The following ADGRL3 variants were observed in gnomAD, a reference collection of about 807,000 sequenced individuals.
ADGRL3 encodes calcium-independent alpha-latrotoxin receptor 3.
In ADGRL3, 62 loss-of-function variants were observed where a neutral mutation model predicts 153.5. The observed-to-expected ratio is 0.40, with a 90% CI of 0.33 to 0.50. The LOEUF is 0.50. Ranked by LOEUF, ADGRL3 falls within the 20% of genes least tolerant of loss-of-function variation. The pLI is 0.47. For synonymous variants in ADGRL3, 710 were observed against 672.5 expected (o/e 1.06, Z -0.86); for missense variants, 1,641 against 1,859.4 (o/e 0.88, Z 2.16).
At chr4:61,478,852 CA>C (rs2098098230) in intron 2 of ADGRL3, among the ~76,000 whole-genome samples, 1 of 151,736 alleles carries the variant, frequency 6.6e-6, no homozygotes, top group Non-Finnish European at 1.5e-5. Context: ...AATGTGAACT[CA>C]AAAGAAAAAC....
At chr4:61,593,992 T>G (rs928216238) in intron 5 of ADGRL3, among the ~76,000 whole-genome samples, 6 of 152,150 alleles carry the variant, frequency 3.9e-5, no homozygotes, top group African/African-American at 1.4e-4. Context: ...GTTTTTATTC[T>G]TTTTTCTTTT....
chr4:61,786,227 T>C (rs1039989728), intron 8 of ADGRL3, among the ~76,000 whole-genome samples: 4 of 152,214 alleles, frequency 2.6e-5, no homozygotes, highest in Non-Finnish European at 5.9e-5. Flanking sequence ...TTCTTCTTAC[T>C]AGAAATGTAT....
intron 11 of ADGRL3, among the ~76,000 whole-genome samples, chr4:61,898,210 G>A (rs2098642800): frequency 1.3e-5 from 2 of 152,240 alleles, no homozygotes; most frequent in East Asian, 1.9e-4. Flanking sequence ...AGGGTAGAGA[G>A]TAGCCCTGAA....
At chr4:61,402,036 T>A (rs756652622) in intron 2 of ADGRL3, among the ~76,000 whole-genome samples, 6 of 152,126 alleles carry the variant, frequency 3.9e-5, no homozygotes, top group Non-Finnish European at 7.4e-5. Context: ...TGAACATAGC[T>A]GTATTCCAAT....
At chr4:61,671,472 G>T (rs1460786024) in intron 5 of ADGRL3, among the ~76,000 whole-genome samples, 1 of 152,096 alleles carries the variant, frequency 6.6e-6, no homozygotes, top group East Asian at 1.9e-4. Flanking sequence ...TATTAAACCT[G>T]ATCAATAGGT....
At chr4:61,387,514 A>T (rs1344913503) in intron 2 of ADGRL3, among the ~76,000 whole-genome samples, 1 of 151,890 alleles carries the variant, frequency 6.6e-6, no homozygotes, top group Non-Finnish European at 1.5e-5. Flanking sequence ...CCCCAGGGGG[A>T]CCAGTTTAGA....
intron 9 of ADGRL3, among the ~76,000 whole-genome samples, chr4:61,833,815 A>T (rs1195340111): frequency 6.6e-6 from 1 of 152,156 alleles, no homozygotes; most frequent in Admixed American, 6.5e-5. Flanking sequence ...TCTTTGTTTT[A>T]GACTATAAAC....
At chr4:61,481,464 A>C (rs1057080690) in intron 2 of ADGRL3, among the ~76,000 whole-genome samples, 3 of 152,134 alleles carry the variant, frequency 2.0e-5, no homozygotes, top group African/African-American at 7.2e-5. Flanking sequence ...AAACCACTGC[A>C]GTTTGTTGAG....
At position 61,829,772 on chromosome 4, in the gene ADGRL3, T is replaced by C. The variant is rs1389392582; in HGVS notation, c.1480+15883T>C. On this transcript the variant is annotated intron_variant, in intron 9 of 26. Transcript: ENST00000683033. ...GTTAACTGTGGCACTATCAAAGCAA[T>C]AGGTACAAAAGACACAGTGAAAAGA... Among the ~76,000 whole-genome samples, 8 of 152,146 alleles carry C rather than the reference T, an allele frequency of 5.3e-5. No homozygotes were observed. The East Asian group carries it at 1.5e-3, about 29-fold the overall frequency.
At chr4:61,856,944 C>CT (rs2149230738) in intron 9 of ADGRL3, among the ~76,000 whole-genome samples, 1 of 109,260 alleles carries the variant, frequency 9.2e-6, no homozygotes, top group East Asian at 3.3e-4. Context: ...CTCCCTCTTT[C>CT]TTCTTCTCTT....
chr4:61,629,305 T>C (rs2093013369), intron 5 of ADGRL3, among the ~76,000 whole-genome samples: 1 of 152,148 alleles, frequency 6.6e-6, no homozygotes, highest in Admixed American at 6.5e-5. Context: ...CCCCTATTAT[T>C]ACTTACTTTG....
rs938236397 is a variant in ADGRL3, at chr4:61,540,951, G to GA, written c.259+23443dup. On this transcript the variant is annotated intron_variant, in intron 4 of 26. Transcript: ENST00000683033. Reference sequence around the variant, plus strand: ...TTGATATAGAACATATTCCCCAAAAGAAAAAAAAAATAGCTGTATATGTTT... The same window carrying GA: ...TTGATATAGAACATATTCCCCAAAAGAAAAAAAAAAATAGCTGTATATGTTT... 4.8e-3 allele frequency among the ~76,000 whole-genome samples: 709 copies of GA among 148,064 alleles called. 2 individuals carry two copies. The highest frequency in any genetic ancestry group is 0.01 in the African/African-American group (408 of 40,456).
At chr4:61,565,012 G>A (rs912251969) in intron 4 of ADGRL3, among the ~76,000 whole-genome samples, 1 of 152,116 alleles carries the variant, frequency 6.6e-6, no homozygotes, top group African/African-American at 2.4e-5. Context: ...CCATACAGAT[G>A]TGATAATAAT....
At chr4:61,514,905 T>A (rs1204110955) in intron 3 of ADGRL3, among the ~76,000 whole-genome samples, 1 of 152,206 alleles carries the variant, frequency 6.6e-6, no homozygotes, top group Non-Finnish European at 1.5e-5. Context: ...TTATACTGTT[T>A]AGCTGATGCT....
At position 61,232,312 on chromosome 4, in the gene ADGRL3, A is replaced by AT. The variant is rs71664985; in HGVS notation, c.-240+30560dup. 8.3e-3 allele frequency among the ~76,000 whole-genome samples: 1,229 copies of AT among 147,220 alleles called. 11 individuals carry two copies. Among genetic ancestry groups the AT allele is most frequent in the African/African-American group, 0.026 (1,050 of 39,986 alleles). On this transcript the variant is annotated intron_variant, in intron 1 of 26. Coordinates refer to ENST00000683033, the MANE Select transcript of ADGRL3 (RefSeq NM_001387552.1). Reference sequence around the variant, plus strand: ...TACCAGTGACCAACAATGTCACTTCATTTTTTTTTTTTTGAGACAAAGTTT... The same window carrying AT: ...TACCAGTGACCAACAATGTCACTTCATTTTTTTTTTTTTTGAGACAAAGTTT...
At chr4:61,335,420 T>G (rs1234835915) in intron 1 of ADGRL3, among the ~76,000 whole-genome samples, 1 of 152,176 alleles carries the variant, frequency 6.6e-6, no homozygotes, top group Non-Finnish European at 1.5e-5. Context: ...CTTTTCTCAT[T>G]CATTTGCTAG....
intron 25 of ADGRL3, among the ~76,000 whole-genome samples, chr4:62,067,248 A>G (rs1031220603): frequency 6.6e-6 from 1 of 152,118 alleles, no homozygotes; most frequent in Non-Finnish European, 1.5e-5. Flanking sequence ...GATCTGGCCC[A>G]GTGAATTTGC....
At chr4:62,055,058 A>G (rs1260834760) in intron 25 of ADGRL3, among the ~76,000 whole-genome samples, 2 of 151,758 alleles carry the variant, frequency 1.3e-5, no homozygotes, top group African/African-American at 2.4e-5. Context: ...GCAATATGTT[A>G]CTTCAATAAA....
intron 1 of ADGRL3, among the ~76,000 whole-genome samples, chr4:61,369,164 G>A (rs1199512471): frequency 5.9e-5 from 9 of 152,148 alleles, no homozygotes; most frequent in Non-Finnish European, 1.3e-4. Context: ...ATACAATCAT[G>A]TCATCTGCAA....
Sources: gnomAD v4.1 joint callset for allele counts (sites outside exome capture counted in the v4.1 genomes callset) on GRCh38, gnomAD v4.1.1 for gene constraint, MANE v1.5 for transcripts, NCBI Gene and HGNC (gene_info 2026-07-23, HGNC 2026-07-21) for gene names.